MYH9: variants seen among roughly 807,000 people sequenced by gnomAD.
MYH9 encodes myosin-9.
Under a neutral mutation model 241.9 loss-of-function variants are expected in MYH9, and 29 were observed. The ratio of observed to expected loss-of-function variants is 0.12; its 90% confidence interval spans 0.09 to 0.16. The LOEUF is 0.16. Among genes scored for constraint, MYH9 ranks in the 10% least tolerant of loss-of-function variants. The pLI is 1.00. For missense variants in MYH9, 1,803 were observed against 2,595.5 expected (o/e 0.69, Z 6.63); for synonymous variants, 1,047 against 1,062.6 (o/e 0.99, Z 0.29).
chr22:36,284,563 G>A (rs769204283), intron 38 of MYH9, 52 bp from the exon 39 acceptor site: 38 of 1,551,934 alleles, frequency 2.4e-5, no homozygotes, highest in Non-Finnish European at 3.3e-5. Context: ...CAGAGGGTCC[G>A]GCCAACAAGC....
rs200833195 is a variant in MYH9, at chr22:36,321,813, G to A, written c.714C>T (p.Phe238=). Residue 238 remains phenylalanine (F), a synonymous_variant, in exon 7 of 41, where the codon TTC becomes TTT. Coordinates refer to ENST00000216181, the MANE Select transcript of MYH9 (RefSeq NM_002473.6). ...CATTGACATCAAAGTTGATGCGAAT[G>A]AATTTGCCCTAAGTAAGAAAGGATA... ...KNDNSSRFGK[F]IRINFDVNGY... 4.3e-6 allele frequency: 7 copies of A among 1,614,084 alleles called. No homozygotes were observed. In the East Asian group the frequency reaches 1.6e-4, roughly 36 times the overall value.
intron 1 of MYH9, among the ~76,000 whole-genome samples, chr22:36,366,072 C>T (rs911678614): frequency 7.2e-5 from 11 of 151,950 alleles, no homozygotes; most frequent in African/African-American, 2.7e-4. Flanking sequence ...CCTGCAATCC[C>T]AGCTATTCGG....
At position 36,293,240 on chromosome 22, in the gene MYH9, G is replaced by A. The variant is rs1032974438; in HGVS notation, c.4095+89C>T. On this transcript the variant is annotated intron_variant, in intron 30 of 40. Transcript: ENST00000216181. The surrounding 1 kb of genome is among the most constrained non-coding windows in gnomAD (Gnocchi z 5.1). Reference sequence around the variant, plus strand: ...GAGAGCAGCAATGGGCCGGCCCAGCGGGCAGGGCTGTCCTGCAGTGCCCAG... The same window carrying A: ...GAGAGCAGCAATGGGCCGGCCCAGCAGGCAGGGCTGTCCTGCAGTGCCCAG... 58 of 1,551,692 alleles carry A rather than the reference G, an allele frequency of 3.7e-5. No individual in the cohort carries two copies. Among genetic ancestry groups the A allele is most frequent in the Middle Eastern group, 4.1e-4 (2 of 4,834 alleles).
At chr22:36,377,647 C>T (rs575313548) in intron 1 of MYH9, among the ~76,000 whole-genome samples, 43 of 152,286 alleles carry the variant, frequency 2.8e-4, no homozygotes, top group Non-Finnish European at 5.3e-4. Flanking sequence ...CGGTGGCTCA[C>T]GCCTGTAATC....
In MYH9 at chr22:36,281,841, A is replaced by C. The variant is rs2016494522; in HGVS notation, c.*827T>G. ...GCCCCTCTAACGCTCTGGCTGTCAGACTTGGGACAAGTCCCTTAACCATTA... is the reference window on the plus strand; with the variant it reads ...GCCCCTCTAACGCTCTGGCTGTCAGCCTTGGGACAAGTCCCTTAACCATTA... On this transcript the variant is annotated 3_prime_UTR_variant, in exon 41 of 41. Transcript: ENST00000216181. The C allele has an allele frequency of 1.3e-5, 3 of 230,862 alleles. No homozygotes were observed. The highest frequency in any genetic ancestry group is 4.4e-5 in the African/African-American group (2 of 45,176). The allele number at this position is 230,862 out of a possible 1,614,324, so 14.3% of individuals were successfully genotyped here.
chr22:36,349,920 A>C (rs1485561427), intron 1 of MYH9, among the ~76,000 whole-genome samples: 1 of 152,262 alleles, frequency 6.6e-6, no homozygotes, highest in Non-Finnish European at 1.5e-5. Context: ...ACAGGTTTCT[A>C]ATCAGCCAAA....
At position 36,284,439 on chromosome 22, in the gene MYH9, A is replaced by G; in HGVS notation, c.5556T>C (p.Asp1852=). ...KKLKDVLLQV[D]DERRNAEQYK... ...ACTGCTCGGCGTTCCTCCGCTCGTC[A>G]TCCACCTGCAGCAGCACATCCTTCA... Residue 1852 remains aspartate (D), a synonymous_variant, in exon 39 of 41, where the codon GAT becomes GAC. Coordinates refer to ENST00000216181, the MANE Select transcript of MYH9 (RefSeq NM_002473.6). 6.2e-7 allele frequency: 1 copy of G among 1,613,302 alleles called. No homozygotes were observed. Among genetic ancestry groups the G allele is most frequent in the Admixed American group, 1.7e-5 (1 of 60,024 alleles).
chr22:36,285,890 C>T lies in MYH9; in HGVS notation c.5125G>A (p.Glu1709Lys), dbSNP rs1351689578. Residue 1709 changes from glutamate (E) to lysine (K), a missense_variant, in exon 36 of 41, where the codon GAG (glutamate) becomes AAG (lysine). Transcript: ENST00000216181. The surrounding 1 kb of genome is among the most constrained non-coding windows in gnomAD (Gnocchi z 7.0). Reference protein sequence around the residue: ...AQQERDELADEIANSSGKGAL... With the variant: ...AQQERDELADKIANSSGKGAL... ...CCTTTGCCGCTGCTGTTGGCGATCT[C>T]GTCAGCCAGCTCATCCCGCTCCTGC... is the stretch of plus-strand genomic sequence containing the variant. 2 of 1,613,414 alleles carry T rather than the reference C, an allele frequency of 1.2e-6. No homozygotes were observed. The highest frequency in any genetic ancestry group is 1.3e-5 in the African/African-American group (1 of 74,900).
Position 36,293,709 on chromosome 22 carries a change from G to T in MYH9, c.3942+50C>A, listed in dbSNP as rs755607106. ...CTGAAGCTAATGTTGCGTGGACACA[G>T]AGGCCTTTCTGGAGGGGTCCACCTT... On this transcript the variant is annotated intron_variant, in intron 29 of 40. Coordinates refer to ENST00000216181, the MANE Select transcript of MYH9 (RefSeq NM_002473.6). This position sits in a 1 kb window ranked among gnomAD's most constrained non-coding sequence, Gnocchi z 5.1. 16 of 1,518,656 alleles carry T rather than the reference G, an allele frequency of 1.1e-5. No individual in the cohort carries two copies. The South Asian group carries it at 1.2e-4, about 12-fold the overall frequency. 94.1% of individuals were successfully genotyped at this position (1,518,656 alleles called of 1,614,324 possible).
Position 36,322,032 on chromosome 22 carries a change from T to G in MYH9, c.706-211A>C. 8.2e-6 allele frequency: 5 copies of G among 612,664 alleles called. No individual in the cohort carries two copies. In the South Asian group the frequency reaches 9.3e-5, roughly 11 times the overall value. The allele number at this position is 612,664 out of a possible 1,614,324, so 38.0% of individuals were successfully genotyped here. On this transcript the variant is annotated intron_variant, in intron 6 of 40. Transcript: ENST00000216181. ...TCAGGCGCCACACTGCCTAAGGCCA[T>G]GAGCCTGAGACAAGCTGATCCCACA...
chr22:36,297,575 T>C (rs1235268311), intron 24 of MYH9, among the ~76,000 whole-genome samples: 1 of 152,236 alleles, frequency 6.6e-6, no homozygotes, highest in Admixed American at 6.5e-5. Context: ...TCGTGATGGT[T>C]ATTCCCTGCC....
chr22:36,338,832 AAAGAAAAAG>A (rs1281471903), intron 3 of MYH9, among the ~76,000 whole-genome samples: 1 of 151,788 alleles, frequency 6.6e-6, no homozygotes, highest in East Asian at 1.9e-4. Flanking sequence ...AAAAAAAAAA[AAAGAAAAAG>A]AAATCGCCCA....
intron 1 of MYH9, among the ~76,000 whole-genome samples, chr22:36,369,771 G>A (rs1213943911): frequency 6.6e-6 from 1 of 152,220 alleles, no homozygotes; most frequent in Non-Finnish European, 1.5e-5. Flanking sequence ...AGGCAGGAGA[G>A]GCGATGGAAG....
chr22:36,347,802 A>C (rs2017700512), intron 2 of MYH9, among the ~76,000 whole-genome samples: 1 of 75,210 alleles, frequency 1.3e-5, no homozygotes, highest in Non-Finnish European at 2.9e-5. Flanking sequence ...ACCCTGTCTC[A>C]AAAAAAAAAA....
At chr22:36,327,509 G>T in intron 3 of MYH9, 21 bp from the exon 4 acceptor site, 1 of 1,613,894 alleles carries the variant, frequency 6.2e-7, no homozygotes, top group Non-Finnish European at 8.5e-7. Context: ...GAAGACATCA[G>T]ATTAACTCCC....
Position 36,319,531 on chromosome 22 carries a change from G to T in MYH9, c.1108+9C>A. ...CCCATTATTTCCAGCGAGAGGCCCC[G>T]GGTGTTACCTGTGTTGTCGGGCATG... On this transcript the variant is annotated intron_variant, in intron 10 of 40. Transcript: ENST00000216181. The T allele has an allele frequency of 6.2e-7, 1 of 1,613,766 alleles. No individual in the cohort carries two copies. Among genetic ancestry groups the T allele is most frequent in the Non-Finnish European group, 8.5e-7 (1 of 1,179,712 alleles).
At chr22:36,307,559 C>T (rs569730155) in intron 15 of MYH9, among the ~76,000 whole-genome samples, 1 of 152,284 alleles carries the variant, frequency 6.6e-6, no homozygotes, top group Admixed American at 6.5e-5. Flanking sequence ...AGACAGAAGC[C>T]AGGAGTGTGG....
At chr22:36,335,236 C>G (rs555635017) in intron 3 of MYH9, among the ~76,000 whole-genome samples, 1 of 152,188 alleles carries the variant, frequency 6.6e-6, no homozygotes, top group Non-Finnish European at 1.5e-5. Flanking sequence ...GCAGAGTGCC[C>G]GGCACACACA....
In MYH9 at chr22:36,361,993, C is replaced by T. The variant is rs549384697; in HGVS notation, c.-19-12738G>A. Among the ~76,000 whole-genome samples the T allele has an allele frequency of 4.6e-5, 7 of 152,252 alleles. No individual in the cohort carries two copies. The South Asian group carries it at 1.5e-3, about 32-fold the overall frequency. On this transcript the variant is annotated intron_variant, in intron 1 of 40. Transcript: ENST00000216181. ...GCTGAGGCCAAGAATTGCTTGAACC[C>T]AGGAGGCAGAGGTTGCAGTGAGCCG... is the stretch of plus-strand genomic sequence containing the variant.
Sources: gnomAD v4.1 joint callset for allele counts (sites outside exome capture counted in the v4.1 genomes callset) on GRCh38, gnomAD v4.1.1 for gene constraint, Gnocchi (gnomAD v3.1) non-coding constraint, MANE v1.5 for transcripts, NCBI Gene and HGNC (gene_info 2026-07-23, HGNC 2026-07-21) for gene names.